The following MTMR9 variants were observed in gnomAD, a reference collection of about 807,000 sequenced individuals.
The protein encoded by MTMR9 is myotubularin-related protein 9.
MTMR9 carries 39 observed loss-of-function variants against 69.5 expected under a neutral mutation model. The ratio of observed to expected loss-of-function variants is 0.56; its 90% CI spans 0.43 to 0.73. The LOEUF (loss-of-function observed/expected upper bound fraction) is 0.73, where lower values mean the gene tolerates loss of function less well. Among genes scored for constraint, MTMR9 ranks in the 30% least tolerant of loss-of-function variants. The probability of loss-of-function intolerance (pLI) is 0.00; values close to 1 mark genes in which losing one functional copy is unlikely to be tolerated. For synonymous variants in MTMR9, 354 were observed against 240.8 expected (o/e 1.47, Z -4.35); for missense variants, 900 against 671.2 (o/e 1.34, Z -3.77).
intron 1 of MTMR9, among the ~76,000 whole-genome samples, chr8:11,292,555 C>G (rs931316403): frequency 6.6e-6 from 1 of 152,174 alleles, no homozygotes; most frequent in African/African-American, 2.4e-5. Flanking sequence ...TAAGTGGTAT[C>G]TTACTGTGGC....
intron 2 of MTMR9, among the ~76,000 whole-genome samples, chr8:11,299,136 T>G (rs947019896): frequency 6.6e-6 from 1 of 152,196 alleles, no homozygotes; most frequent in African/African-American, 2.4e-5. Context: ...AAGTCTGGCC[T>G]GGCCAACATG....
chr8:11,338,022 G>T, the MTMR9 span, among the ~76,000 whole-genome samples: 1 of 152,264 alleles, frequency 6.6e-6, no homozygotes, highest in African/African-American at 2.4e-5. Flanking sequence ...TATGTCCAAG[G>T]AGAACATGTC....
At chr8:11,308,344 A>T (rs117955622) in intron 5 of MTMR9, among the ~76,000 whole-genome samples, 1 of 152,188 alleles carries the variant, frequency 6.6e-6, no homozygotes, top group Non-Finnish European at 1.5e-5. Flanking sequence ...TCAATTTACC[A>T]TAAATGCATG....
At position 11,328,080 on chromosome 8, in the gene MTMR9, G is replaced by A. The variant is rs1801028993; in HGVS notation, c.*5292G>A. On this transcript the variant is annotated 3_prime_UTR_variant, in exon 10 of 10. Transcript: ENST00000221086. ...GCCTCAGAGGACAGTTGCACAGATG[G>A]CTAGTGTTAAATTTCTATAGACGAT... The A allele has an allele frequency of 6.6e-6, 1 of 152,142 alleles. No homozygotes were observed. The highest frequency in any genetic ancestry group is 2.4e-5 in the African/African-American group (1 of 41,420). 9.4% of individuals were successfully genotyped at this position (152,142 alleles called of 1,614,324 possible).
chr8:11,285,965 TTTTTTG>T (rs1372329583), intron 1 of MTMR9, among the ~76,000 whole-genome samples: 2 of 143,962 alleles, frequency 1.4e-5, no homozygotes, highest in East Asian at 2.0e-4. Flanking sequence ...TTTTTTTTTT[TTTTTTG>T]GAGACGAAAT....
At chr8:11,293,467 G>T (rs1799436363) in intron 1 of MTMR9, among the ~76,000 whole-genome samples, 1 of 152,180 alleles carries the variant, frequency 6.6e-6, no homozygotes, top group South Asian at 2.1e-4. Flanking sequence ...GCCTGTTGAT[G>T]AAGTCCTCAA....
intron 2 of MTMR9, chr8:11,298,858 G>T (rs1473511380): frequency 1.0e-6 from 1 of 985,038 alleles, no homozygotes; most frequent in Non-Finnish European, 1.2e-6. Flanking sequence ...TGTTTTCCAG[G>T]ATTCAAGTGC....
chr8:11,314,837 G>A, intron 6 of MTMR9, 86 bp from the exon 7 acceptor site: 12 of 1,315,762 alleles, frequency 9.1e-6, no homozygotes, highest in Non-Finnish European at 1.2e-5. Context: ...CTAAAATGTT[G>A]TGCTCAATAA....
At chr8:11,318,205 G>C (rs140851951) in intron 8 of MTMR9, 119 of 152,310 alleles carry the variant, frequency 7.8e-4, no homozygotes, top group African/African-American at 2.8e-3. Flanking sequence ...TTCCCAGTTG[G>C]TAGAGGCTGC....
the MTMR9 span, among the ~76,000 whole-genome samples, chr8:11,337,156 C>T: frequency 1.6e-4 from 24 of 152,292 alleles, no homozygotes; most frequent in South Asian, 3.7e-3. Context: ...AGTAGCAATG[C>T]AGCTTGCACT....
At chr8:11,309,070 A>C (rs1800084993) in intron 5 of MTMR9, among the ~76,000 whole-genome samples, 1 of 152,186 alleles carries the variant, frequency 6.6e-6, no homozygotes, top group South Asian at 2.1e-4. Context: ...GTACTGTAAA[A>C]GAGTGATTTA....
intron 1 of MTMR9, chr8:11,294,664 T>C (rs1053356241): frequency 2.0e-5 from 3 of 152,118 alleles, no homozygotes; most frequent in African/African-American, 7.3e-5. Context: ...TAATTTTTTG[T>C]ATTTTTAGCA....
At chr8:11,335,281 C>G in the MTMR9 span, among the ~76,000 whole-genome samples, 1 of 152,166 alleles carries the variant, frequency 6.6e-6, no homozygotes. Context: ...CAGCAATGAA[C>G]AAATGAAATT....
intron 8 of MTMR9, chr8:11,318,590 CACA>C (rs1311287210): frequency 2.0e-5 from 3 of 152,094 alleles, no homozygotes; most frequent in African/African-American, 7.2e-5. Flanking sequence ...TAAGGTTTAC[CACA>C]GACTGTCTTT....
the MTMR9 span, among the ~76,000 whole-genome samples, chr8:11,335,478 G>A: frequency 2.0e-5 from 3 of 152,174 alleles, no homozygotes; most frequent in Non-Finnish European, 2.9e-5. Context: ...ATATTGTCAA[G>A]ATATCAGTGC....
Position 11,326,160 on chromosome 8 carries a change from A to G in MTMR9, c.*3372A>G, listed in dbSNP as rs545408240. The G allele has an allele frequency of 7.4e-4, 113 of 152,348 alleles. No homozygotes were observed. The highest frequency in any genetic ancestry group is 2.2e-3 in the African/African-American group (91 of 41,578). The allele number at this position is 152,348 out of a possible 1,614,324, so 9.4% of individuals were successfully genotyped here. The stretch of plus-strand genomic sequence containing the variant: ...AAAAACAGGAGTAATGTTTCGTTGC[A>G]CTTTGAAAGATCTGCTTCAAGGCAT... On this transcript the variant is annotated 3_prime_UTR_variant, in exon 10 of 10. Coordinates refer to ENST00000221086, the MANE Select transcript of MTMR9 (RefSeq NM_015458.4).
downstream of MTMR9, chr8:11,331,782 T>C (rs1240861057): frequency 6.2e-7 from 1 of 1,611,550 alleles, no homozygotes; most frequent in Non-Finnish European, 8.5e-7. Flanking sequence ...GGCCTTCCTA[T>C]CTGGCTTGGT....
In MTMR9 at chr8:11,304,920, A is replaced by T. The variant is rs750662474; in HGVS notation, c.497A>T (p.Lys166Ile). Residue 166 changes from lysine to isoleucine, a missense_variant, in exon 4 of 10, where the codon AAA becomes ATA. By Grantham distance (102) the Lys-to-Ile change is moderately radical. Coordinates refer to ENST00000221086, the MANE Select transcript of MTMR9 (RefSeq NM_015458.4). Reference sequence around the variant, plus strand: ...TACCCACCAATTGTCACAGTGCCCAAATCCATCGATGATGAAGCTCTTCGG... The same window carrying T: ...TACCCACCAATTGTCACAGTGCCCATATCCATCGATGATGAAGCTCTTCGG... ...PSYPPIVTVP[K>I]SIDDEALRKV... 1.2e-6 allele frequency: 2 copies of T among 1,614,108 alleles called. No individual in the cohort carries two copies. The highest frequency in any genetic ancestry group is 1.7e-5 in the Admixed American group (1 of 60,014).
At chr8:11,318,826 A>T (rs1039537292) in intron 8 of MTMR9, 3 of 152,194 alleles carry the variant, frequency 2.0e-5, no homozygotes, top group African/African-American at 7.2e-5. Flanking sequence ...TATTTTCCCT[A>T]AAAGCTAAGT....
Sources: gnomAD v4.1 joint callset for allele counts (sites outside exome capture counted in the v4.1 genomes callset) on GRCh38, gnomAD v4.1.1 for gene constraint, MANE v1.5 for transcripts, NCBI Gene and HGNC (gene_info 2026-07-23, HGNC 2026-07-21) for gene names.